The following ATP6V0D1 variants were observed in gnomAD, a reference collection of about 807,000 sequenced individuals.
ATP6V0D1 encodes the protein V-type proton ATPase subunit d 1.
A neutral mutation model predicts 39.0 loss-of-function variants in ATP6V0D1; 13 were observed. That is an observed-to-expected ratio of 0.33 (90% CI 0.22 to 0.53). The LOEUF is 0.53. ATP6V0D1 is among the 20% of genes least tolerant of loss of function. The pLI is 0.94. For missense variants in ATP6V0D1, 272 were observed against 470.9 expected (o/e 0.58, Z 3.91); for synonymous variants, 191 against 191.2 (o/e 1.00, Z 0.01).
At chr16:67,443,212 G>A in intron 3 of ATP6V0D1, 34 bp from the exon 4 acceptor site, 1 of 1,608,800 alleles carries the variant, frequency 6.2e-7, no homozygotes. Flanking sequence ...GGGTGGGCAG[G>A]TGGCCTAGGC....
chr16:67,474,958 C>T (rs1398582655), intron 1 of ATP6V0D1, among the ~76,000 whole-genome samples: 1 of 152,158 alleles, frequency 6.6e-6, no homozygotes, highest in Non-Finnish European at 1.5e-5. Flanking sequence ...CGCTCAAGTC[C>T]TATCAAATCC....
chr16:67,479,652 T>G (rs2041447359), intron 1 of ATP6V0D1, among the ~76,000 whole-genome samples: 1 of 152,220 alleles, frequency 6.6e-6, no homozygotes. Context: ...TCATTTGAGC[T>G]CACTTTTAAC....
At chr16:67,446,780 AG>A in intron 2 of ATP6V0D1, among the ~76,000 whole-genome samples, 1 of 152,270 alleles carries the variant, frequency 6.6e-6, no homozygotes, top group Non-Finnish European at 1.5e-5. Context: ...CCCAAGCAGA[AG>A]GATGCTTTCT....
In ATP6V0D1 at chr16:67,444,415, G is replaced by A. The variant is rs1016949746; in HGVS notation, c.481+113C>T. 14 of 1,124,758 alleles carry A rather than the reference G, an allele frequency of 1.2e-5. No homozygotes were observed. Among genetic ancestry groups the A allele is most frequent in the Non-Finnish European group, 1.7e-5 (14 of 801,708 alleles). 69.7% of individuals were successfully genotyped at this position (1,124,758 alleles called of 1,614,324 possible). On this transcript the variant is annotated intron_variant, in intron 3 of 7. Coordinates refer to ENST00000290949, the MANE Select transcript of ATP6V0D1 (RefSeq NM_004691.5). The surrounding 1 kb of genome is among the most constrained non-coding windows in gnomAD (Gnocchi z 4.8). ...AGGGAGACAAAGGTAAGCAGCAGTG[G>A]GCAGGTCTCACTTTCTGGCTCAGGG...
At chr16:67,448,249 G>A (rs1211309628) in intron 2 of ATP6V0D1, among the ~76,000 whole-genome samples, 7 of 151,692 alleles carry the variant, frequency 4.6e-5, no homozygotes, top group Non-Finnish European at 8.8e-5. Context: ...ACACTTGGGA[G>A]GCTGAGGCAG....
chr16:67,464,033 A>G (rs930578925), intron 1 of ATP6V0D1, among the ~76,000 whole-genome samples: 2 of 152,186 alleles, frequency 1.3e-5, no homozygotes, highest in African/African-American at 4.8e-5. Flanking sequence ...TATGGTATCT[A>G]GTTTGAAGGT....
At chr16:67,473,410 G>T (rs918612717) in intron 1 of ATP6V0D1, among the ~76,000 whole-genome samples, 1 of 151,938 alleles carries the variant, frequency 6.6e-6, no homozygotes, top group Non-Finnish European at 1.5e-5. Context: ...GTGCAGTGGT[G>T]CAATCTCAGC....
At chr16:67,443,202 G>C in intron 3 of ATP6V0D1, 24 bp from the exon 4 acceptor site, 1 of 1,612,712 alleles carries the variant, frequency 6.2e-7, no homozygotes, top group Non-Finnish European at 8.5e-7. Flanking sequence ...ATGGTTTGAG[G>C]GGTGGGCAGG....
chr16:67,442,941 C>A (rs2041070722), intron 4 of ATP6V0D1, among the ~76,000 whole-genome samples, 158 bp downstream of exon 4: 1 of 152,172 alleles, frequency 6.6e-6, no homozygotes, highest in Non-Finnish European at 1.5e-5. Context: ...CAGCCTTGTG[C>A]CCAGCATGGG....
At chr16:67,471,013 C>A (rs2041368561) in intron 1 of ATP6V0D1, among the ~76,000 whole-genome samples, 1 of 152,212 alleles carries the variant, frequency 6.6e-6, no homozygotes, top group African/African-American at 2.4e-5. Context: ...CTGCTTCTGG[C>A]CTGCTCCCAC....
intron 1 of ATP6V0D1, chr16:67,455,989 T>C (rs1405930019): frequency 1.3e-5 from 2 of 152,008 alleles, no homozygotes; most frequent in East Asian, 3.8e-4. Context: ...TGGGCAAGTA[T>C]GCAAGCCTTT....
chr16:67,480,893 C>T, intron 1 of ATP6V0D1, 64 bp downstream of exon 1: 1 of 1,587,636 alleles, frequency 6.3e-7, no homozygotes, highest in African/African-American at 1.3e-5. Context: ...GCTTCCCGGC[C>T]TACACCTCTG....
chr16:67,453,416 A>T lies in ATP6V0D1; in HGVS notation c.302+128T>A. The T allele has an allele frequency of 1.8e-6, 2 of 1,129,686 alleles. No individual in the cohort carries two copies. The highest frequency in any genetic ancestry group is 1.3e-6 in the Non-Finnish European group (1 of 780,460). The allele number at this position is 1,129,686 out of a possible 1,614,324, so 70.0% of individuals were successfully genotyped here. On this transcript the variant is annotated intron_variant, in intron 2 of 7. Coordinates refer to ENST00000290949, the MANE Select transcript of ATP6V0D1 (RefSeq NM_004691.5). The surrounding 1 kb of genome is among the most constrained non-coding windows in gnomAD (Gnocchi z 4.1). ...GGTCCTGGGACACCTGGCCTGACAGAGCTGCCATCAGCTCTGACAGCTGAC... is the reference window on the plus strand; with the variant it reads ...GGTCCTGGGACACCTGGCCTGACAGTGCTGCCATCAGCTCTGACAGCTGAC...
intron 1 of ATP6V0D1, among the ~76,000 whole-genome samples, chr16:67,466,968 G>A (rs1239308228): frequency 6.6e-6 from 1 of 152,032 alleles, no homozygotes; most frequent in Non-Finnish European, 1.5e-5. Flanking sequence ...AGGGAAGCAT[G>A]GGCATCCTCA....
intron 4 of ATP6V0D1, among the ~76,000 whole-genome samples, chr16:67,442,404 C>T (rs1330726813): frequency 1.3e-5 from 2 of 152,134 alleles, no homozygotes; most frequent in Non-Finnish European, 2.9e-5. Flanking sequence ...CTCACCGCAG[C>T]CAGAGCAGAG....
At position 67,438,779 on chromosome 16, in the gene ATP6V0D1, C is replaced by G; in HGVS notation, c.894+14G>C. On this transcript the variant is annotated intron_variant, in intron 7 of 7. Coordinates refer to ENST00000290949, the MANE Select transcript of ATP6V0D1 (RefSeq NM_004691.5). ...GGTTGGCCTCCCTCTGACAAGCAGA[C>G]CCTGCAGACTCACCTCGTGCTCAAA... 6.2e-7 allele frequency: 1 copy of G among 1,614,130 alleles called. No homozygotes were observed. The highest frequency in any genetic ancestry group is 8.5e-7 in the Non-Finnish European group (1 of 1,180,032).
chr16:67,438,976 A>G lies in ATP6V0D1; in HGVS notation c.811T>C (p.Tyr271His). ...CTGCCAGCCGGGGCACTCACCGGGT[A>G]GTAATCGGCCACGTTCTTGACCTGT... ...YEQVKNVADYYPEYKLLFEGA... is the reference protein window; with the variant it reads ...YEQVKNVADYHPEYKLLFEGA... Residue 271 changes from tyrosine (Y) to histidine (H), a missense_variant, in exon 6 of 8, where the codon TAC (tyrosine) becomes CAC (histidine). Around this residue, in one of 4 missense-constraint regions of ATP6V0D1, gnomAD observed 135 missense variants for 273.8 expected, o/e 0.49. Transcript: ENST00000290949. The G allele has an allele frequency of 6.2e-7, 1 of 1,613,762 alleles. No individual in the cohort carries two copies. The highest frequency in any genetic ancestry group is 8.5e-7 in the Non-Finnish European group (1 of 1,179,830).
intron 1 of ATP6V0D1, among the ~76,000 whole-genome samples, chr16:67,458,283 T>A (rs1002805664): frequency 6.6e-6 from 1 of 152,166 alleles, no homozygotes; most frequent in African/African-American, 2.4e-5. Context: ...GGAGGGGATG[T>A]GACTGGGAGG....
intron 4 of ATP6V0D1, 175 bp from the exon 5 acceptor site, chr16:67,439,526 A>C: frequency 3.2e-6 from 2 of 634,778 alleles, no homozygotes; most frequent in South Asian, 1.9e-5. Context: ...CACTTCTGTG[A>C]ATCAGCCAAG....
Sources: allele counts gnomAD v4.1 joint callset (sites outside exome capture counted in the v4.1 genomes callset), GRCh38; gene constraint gnomAD v4.1.1; regional missense constraint gnomAD v4.1.1; non-coding constraint Gnocchi (gnomAD v3.1); transcripts MANE v1.5; gene names NCBI Gene and HGNC (gene_info 2026-07-23, HGNC 2026-07-21).